The following NALF1 variants were observed in gnomAD, a reference collection of about 807,000 sequenced individuals.
NALF1 encodes the protein family with sequence similarity 155 member A.
Under a neutral mutation model 48.4 loss-of-function variants are expected in NALF1, and 3 were observed. The observed-to-expected ratio is 0.06, with a 90% confidence interval of 0.03 to 0.16. The LOEUF is 0.16. NALF1 is among the 10% of genes least tolerant of loss of function. NALF1 has a pLI of 1.00. For synonymous variants in NALF1, 262 were observed against 245.7 expected, an observed-to-expected ratio of 1.07 and a Z score of -0.62; for missense variants, 526 against 571.5, an observed-to-expected ratio of 0.92 and a Z score of 0.81.
At chr13:107,561,517 T>C (rs139263240) in intron 1 of NALF1, among the ~76,000 whole-genome samples, 1 of 152,320 alleles carries the variant, frequency 6.6e-6, no homozygotes, top group Non-Finnish European at 1.5e-5. Flanking sequence ...TCTCCTCCCA[T>C]CAGCAATGGT....
chr13:107,375,645 T>G lies in NALF1; in HGVS notation c.916-164890A>C, dbSNP rs190603046. On this transcript the variant is annotated intron_variant, in intron 1 of 2. Coordinates refer to ENST00000375915, the MANE Select transcript of NALF1 (RefSeq NM_001080396.3). ...AAGCTTTGATTTTGAATTATCAGTT[T>G]AATTTCTAATAATATGAGAATGCTA... Among the ~76,000 whole-genome samples, 108 of 152,258 alleles carry G rather than the reference T, an allele frequency of 7.1e-4. 1 individual carries two copies. The highest frequency in any genetic ancestry group is 1.2e-3 in the Non-Finnish European group (79 of 68,020).
chr13:107,489,338 G>A (rs550680284), intron 1 of NALF1, among the ~76,000 whole-genome samples: 1 of 152,038 alleles, frequency 6.6e-6, no homozygotes, highest in Admixed American at 6.6e-5. Context: ...TCCTAAACAA[G>A]AACAAAGCTG....
chr13:107,431,747 T>C lies in NALF1; in HGVS notation c.916-220992A>G, dbSNP rs531008626. On this transcript the variant is annotated intron_variant, in intron 1 of 2. Coordinates refer to ENST00000375915, the MANE Select transcript of NALF1 (RefSeq NM_001080396.3). ...TTCACTCTCTGTAATGCTCCTCTTC[T>C]GTCTACCAGACTTTCTTAACAGGGG... is the stretch of plus-strand genomic sequence containing the variant. 3.3e-5 allele frequency among the ~76,000 whole-genome samples: 5 copies of C among 152,296 alleles called. No individual in the cohort carries two copies. In the South Asian group the frequency reaches 6.2e-4, roughly 19 times the overall value.
rs182161900 is a variant in NALF1, at chr13:107,262,761, C to A, written c.916-52006G>T. Among the ~76,000 whole-genome samples, 233 of 89,056 alleles carry A rather than the reference C, an allele frequency of 2.6e-3. 1 individual carries two copies. The highest frequency in any genetic ancestry group is 0.011 in the African/African-American group (225 of 20,600). The allele number at this position is 89,056 out of a possible 152,430, so 58.4% of individuals were successfully genotyped here. A position where few individuals can be genotyped will look rare whatever the true frequency, so the allele number is the denominator to read the frequency against. ...ATGGAACCATATTAAGTTGCATAACCCACAGGCGCTCTCTCTCTCTCTCTC... is the reference window on the plus strand; with the variant it reads ...ATGGAACCATATTAAGTTGCATAACACACAGGCGCTCTCTCTCTCTCTCTC... On this transcript the variant is annotated intron_variant, in intron 1 of 2. Transcript: ENST00000375915.
At chr13:107,265,885 G>T (rs191400889) in intron 1 of NALF1, among the ~76,000 whole-genome samples, 1 of 152,222 alleles carries the variant, frequency 6.6e-6, no homozygotes, top group Non-Finnish European at 1.5e-5. Context: ...AAAGAAATCA[G>T]TACCGTAGCA....
chr13:107,565,101 G>GAA (rs751846878), intron 1 of NALF1, among the ~76,000 whole-genome samples: 5 of 63,896 alleles, frequency 7.8e-5, no homozygotes, highest in African/African-American at 2.2e-4. Flanking sequence ...ATAAGTAAAA[G>GAA]ACAAAAAAAA....
At chr13:107,517,489 G>A (rs932463304) in intron 1 of NALF1, among the ~76,000 whole-genome samples, 3 of 151,912 alleles carry the variant, frequency 2.0e-5, no homozygotes, top group Non-Finnish European at 2.9e-5. Flanking sequence ...AAAATTAGCC[G>A]GGCGTGGTGG....
intron 1 of NALF1, among the ~76,000 whole-genome samples, chr13:107,774,311 T>A (rs1224586039): frequency 1.3e-5 from 2 of 152,184 alleles, no homozygotes; most frequent in Non-Finnish European, 2.9e-5. Flanking sequence ...CTAAACAGAT[T>A]CAAGAAATTT....
intron 1 of NALF1, among the ~76,000 whole-genome samples, chr13:107,769,609 T>G (rs570593189): frequency 1.1e-3 from 164 of 149,576 alleles, no homozygotes; most frequent in African/African-American, 3.8e-3. Flanking sequence ...GTTAGTGGGT[T>G]CAGTACACCA....
intron 1 of NALF1, among the ~76,000 whole-genome samples, chr13:107,407,816 C>A (rs1883925360): frequency 6.6e-6 from 1 of 152,086 alleles, no homozygotes; most frequent in South Asian, 2.1e-4. Context: ...TATTGCAGCA[C>A]TATTCACAAT....
At chr13:107,410,064 A>G (rs1000809651) in intron 1 of NALF1, among the ~76,000 whole-genome samples, 1 of 152,232 alleles carries the variant, frequency 6.6e-6, no homozygotes, top group Non-Finnish European at 1.5e-5. Flanking sequence ...ATGGAGTTTT[A>G]TGGAAATTTT....
chr13:107,479,027 A>T (rs1885214282), intron 1 of NALF1, among the ~76,000 whole-genome samples: 1 of 152,136 alleles, frequency 6.6e-6, no homozygotes, highest in Non-Finnish European at 1.5e-5. Context: ...AAAATTCTTC[A>T]CATCAAAGTT....
intron 1 of NALF1, among the ~76,000 whole-genome samples, chr13:107,804,411 T>G (rs1878711927): frequency 6.6e-6 from 1 of 151,938 alleles, no homozygotes; most frequent in African/African-American, 2.4e-5. Flanking sequence ...GGCCATTTTT[T>G]TTTTTTCTCT....
At chr13:107,799,563 C>A (rs1566486497) in intron 1 of NALF1, among the ~76,000 whole-genome samples, 2 of 152,190 alleles carry the variant, frequency 1.3e-5, no homozygotes, top group African/African-American at 2.4e-5. Context: ...TTTGCACTCA[C>A]AATTCACTTT....
chr13:107,776,736 G>A (rs1184805183), intron 1 of NALF1, among the ~76,000 whole-genome samples: 1 of 152,212 alleles, frequency 6.6e-6, no homozygotes, highest in East Asian at 1.9e-4. Context: ...CACATGAAAT[G>A]TGCTTTGATG....
At chr13:107,763,471 C>CAA (rs750250035) in intron 1 of NALF1, among the ~76,000 whole-genome samples, 149 of 79,156 alleles carry the variant, frequency 1.9e-3, no homozygotes, top group Admixed American at 0.011. Context: ...TATTAAAATT[C>CAA]AAAAAAAAAA....
intron 1 of NALF1, among the ~76,000 whole-genome samples, chr13:107,857,721 A>G (rs956480892): frequency 6.6e-6 from 1 of 152,256 alleles, no homozygotes; most frequent in African/African-American, 2.4e-5. Context: ...GAGAAGCACA[A>G]TAAATGTAGG....
chr13:107,757,415 C>CTTTT lies in NALF1; in HGVS notation c.915+108263_915+108266dup, dbSNP rs3074821. Among the ~76,000 whole-genome samples, 215 of 107,896 alleles carry CTTTT rather than the reference C, an allele frequency of 2.0e-3. 3 individuals are homozygous for CTTTT. The highest frequency in any genetic ancestry group is 3.9e-3 in the African/African-American group (115 of 29,754). 70.8% of individuals were successfully genotyped at this position (107,896 alleles called of 152,430 possible). On this transcript the variant is annotated intron_variant, in intron 1 of 2. Transcript: ENST00000375915. ...CAGTTAACAACACTGGCCCTCATTT[C>CTTTT]TTTTTTTTTTTTTTTTTTTCAGTCA...
intron 1 of NALF1, among the ~76,000 whole-genome samples, chr13:107,222,193 G>A (rs989743100): frequency 2.6e-5 from 4 of 152,120 alleles, no homozygotes; most frequent in East Asian, 1.9e-4. Context: ...AGTAACCGCC[G>A]CCTCCAATTA....
Sources: gnomAD v4.1 joint callset for allele counts (sites outside exome capture counted in the v4.1 genomes callset) on GRCh38, gnomAD v4.1.1 for gene constraint, MANE v1.5 for transcripts, NCBI Gene and HGNC (gene_info 2026-07-23, HGNC 2026-07-21) for gene names.